ATG13: variants seen among roughly 807,000 people sequenced by gnomAD.
The protein encoded by ATG13 is autophagy-related protein 13.
ATG13 carries 23 observed loss-of-function variants against 65.5 expected under a neutral mutation model. That is an observed-to-expected ratio of 0.35 (90% CI 0.25 to 0.50). ATG13 has a LOEUF of 0.50. Among genes scored for constraint, ATG13 ranks in the 20% least tolerant of loss-of-function variants. ATG13 has a pLI of 0.98. For missense variants in ATG13, 566 were observed against 677.0 expected (o/e 0.84, Z 1.82); for synonymous variants, 252 against 245.2 (o/e 1.03, Z -0.26).
At chr11:46,622,125 AT>A (rs2047897213) in intron 1 of ATG13, among the ~76,000 whole-genome samples, 1 of 79,030 alleles carries the variant, frequency 1.3e-5, no homozygotes, top group Non-Finnish European at 2.4e-5. Context: ...ATATATATAT[AT>A]ATTTATTTTA....
chr11:46,653,998 T>C (rs1392927110), intron 7 of ATG13, among the ~76,000 whole-genome samples: 1 of 152,054 alleles, frequency 6.6e-6, no homozygotes, highest in Non-Finnish European at 1.5e-5. Context: ...TTTTTGCTAA[T>C]ATAGACTGGC....
At chr11:46,664,555 A>G (rs190701863) in intron 12 of ATG13, among the ~76,000 whole-genome samples, 1 of 152,186 alleles carries the variant, frequency 6.6e-6, no homozygotes, top group Non-Finnish European at 1.5e-5. Flanking sequence ...TGGGCTTAGC[A>G]CTGAAACAGT....
At position 46,648,102 on chromosome 11, in the gene ATG13, A is replaced by AC. The variant is rs113498247; in HGVS notation, c.271-1027dup. Among the ~76,000 whole-genome samples, 671 of 137,100 alleles carry AC rather than the reference A, an allele frequency of 4.9e-3. 5 individuals carry two copies. Among genetic ancestry groups the AC allele is most frequent in the African/African-American group, 0.015 (555 of 36,392 alleles). 89.9% of individuals were successfully genotyped at this position (137,100 alleles called of 152,430 possible). A position where few individuals can be genotyped will look rare whatever the true frequency, so the allele number is the denominator to read the frequency against. The stretch of plus-strand genomic sequence containing the variant: ...GACTTTAGCCAAATTACTTAACCCC[A>AC]CCCCCCCCAGCACTTTTTTTTCCTG... On this transcript the variant is annotated intron_variant, in intron 5 of 18. Coordinates refer to ENST00000683050, the MANE Select transcript of ATG13 (RefSeq NM_001346311.2).
intron 7 of ATG13, among the ~76,000 whole-genome samples, chr11:46,651,814 T>C (rs980014644): frequency 2.0e-5 from 3 of 152,200 alleles, no homozygotes; most frequent in Admixed American, 6.5e-5. Context: ...TGGTTTCAAG[T>C]TGTTTTATTT....
In ATG13 at chr11:46,664,724, A is replaced by G. The variant is rs534904002; in HGVS notation, c.889-125A>G. 5.0e-6 allele frequency: 4 copies of G among 798,158 alleles called. No individual in the cohort carries two copies. In the Admixed American group the frequency reaches 6.3e-5, roughly 12 times the overall value. The allele number at this position is 798,158 out of a possible 1,614,324, so 49.4% of individuals were successfully genotyped here. On this transcript the variant is annotated intron_variant, in intron 12 of 18. Coordinates refer to ENST00000683050, the MANE Select transcript of ATG13 (RefSeq NM_001346311.2). ...ACCCCTATCACGTCAGGCCCCCTGC[A>G]CTGTGGGCATGTGGGCGGGAGCCAT... is the stretch of plus-strand genomic sequence containing the variant.
intron 2 of ATG13, among the ~76,000 whole-genome samples, chr11:46,643,612 CT>C (rs763315083): frequency 0.013 from 1,702 of 130,720 alleles, 4 homozygotes; most frequent in Middle Eastern, 0.032. Context: ...CCTGGGAGGG[CT>C]TTTTTTTTTT....
intron 2 of ATG13, among the ~76,000 whole-genome samples, chr11:46,635,819 A>G (rs2136053649): frequency 6.6e-6 from 1 of 152,320 alleles, no homozygotes; most frequent in Middle Eastern, 3.4e-3. Flanking sequence ...CAGTTGTACA[A>G]AAAGTCATTG....
Position 46,638,015 on chromosome 11 carries a change from A to C in ATG13, c.-13-6264A>C, listed in dbSNP as rs563147281. 4.6e-5 allele frequency among the ~76,000 whole-genome samples: 7 copies of C among 152,330 alleles called. No homozygotes were observed. In the South Asian group the frequency reaches 1.2e-3, roughly 27 times the overall value. On this transcript the variant is annotated intron_variant, in intron 2 of 18. Coordinates refer to ENST00000683050, the MANE Select transcript of ATG13 (RefSeq NM_001346311.2). ...CATTTTTAATTTATGATTGATACAT[A>C]ATAATTATACATATTTATGGGGTTC...
chr11:46,632,835 C>T (rs1420713720), intron 2 of ATG13, among the ~76,000 whole-genome samples: 2 of 151,222 alleles, frequency 1.3e-5, no homozygotes, highest in Non-Finnish European at 2.9e-5. Flanking sequence ...ATCCTTATTA[C>T]TTGACACATC....
intron 1 of ATG13, among the ~76,000 whole-genome samples, chr11:46,626,885 TA>T (rs1421519803): frequency 6.6e-6 from 1 of 152,162 alleles, no homozygotes; most frequent in Non-Finnish European, 1.5e-5. Flanking sequence ...GAGGAAGGTG[TA>T]AACATTTGCT....
At chr11:46,662,272 A>T (rs2061371845) in intron 11 of ATG13, among the ~76,000 whole-genome samples, 1 of 152,144 alleles carries the variant, frequency 6.6e-6, no homozygotes, top group Non-Finnish European at 1.5e-5. Context: ...AGATATGTCA[A>T]ATTTAAATTT....
chr11:46,646,045 T>C, intron 5 of ATG13, 56 bp downstream of exon 5: 1 of 1,604,412 alleles, frequency 6.2e-7, no homozygotes, highest in South Asian at 1.1e-5. Context: ...CCTCACACTC[T>C]GAGTCCAGTT....
At chr11:46,645,066 C>A (rs1013449445) in intron 3 of ATG13, among the ~76,000 whole-genome samples, 1 of 152,164 alleles carries the variant, frequency 6.6e-6, no homozygotes, top group Non-Finnish European at 1.5e-5. Flanking sequence ...TTTCCTTCTG[C>A]CATATGAGAA....
At chr11:46,672,178 C>T (rs1442690968) in intron 18 of ATG13, 77 bp from the exon 19 acceptor site, 8 of 1,605,148 alleles carry the variant, frequency 5.0e-6, no homozygotes, top group Non-Finnish European at 6.0e-6. Flanking sequence ...TTGCTGCCTC[C>T]CCTCTTCGGG....
chr11:46,664,800 A>AT lies in ATG13; in HGVS notation c.889-43dup, dbSNP rs748809966. On this transcript the variant is annotated intron_variant, in intron 12 of 18. Transcript: ENST00000683050. ...TGTTTGTCACGCTCTGGGATTGCCT[A>AT]TTTTTTCCTTGCCTTTCCTTTTCTC... is the stretch of plus-strand genomic sequence containing the variant. The AT allele has an allele frequency of 7.7e-6, 12 of 1,548,538 alleles. No individual in the cohort carries two copies. In the East Asian group the frequency reaches 9.0e-5, roughly 12 times the overall value.
intron 1 of ATG13, among the ~76,000 whole-genome samples, chr11:46,623,795 T>C (rs2048527792): frequency 6.6e-6 from 1 of 152,140 alleles, no homozygotes; most frequent in Non-Finnish European, 1.5e-5. Flanking sequence ...GTTGGAAGAA[T>C]ATTACAGTGA....
intron 12 of ATG13, among the ~76,000 whole-genome samples, chr11:46,664,368 T>G (rs564619814): frequency 1.6e-4 from 24 of 152,298 alleles, no homozygotes; most frequent in Non-Finnish European, 3.1e-4. Flanking sequence ...TGGTATTCTG[T>G]CTTTTTTCAA....
chr11:46,646,188 G>A lies in ATG13; in HGVS notation c.270+199G>A, dbSNP rs566991706. Among the ~76,000 whole-genome samples, 74 of 152,020 alleles carry A rather than the reference G, an allele frequency of 4.9e-4. 1 individual carries two copies. The highest frequency in any genetic ancestry group is 1.6e-3 in the African/African-American group (67 of 41,448). On this transcript the variant is annotated intron_variant, in intron 5 of 18. Transcript: ENST00000683050. ...TTTTGAGACTGAGTCTCGATCTGTCGCCCAGGCTGGAGTGCAGTGGAGCGA... is the reference window on the plus strand; with the variant it reads ...TTTTGAGACTGAGTCTCGATCTGTCACCCAGGCTGGAGTGCAGTGGAGCGA...
intron 14 of ATG13, among the ~76,000 whole-genome samples, chr11:46,666,513 T>TA (rs2062394534): frequency 6.6e-6 from 1 of 152,262 alleles, no homozygotes; most frequent in Non-Finnish European, 1.5e-5. Context: ...ACCGAAGTGA[T>TA]ACATTCTGTA....
Sources: allele counts gnomAD v4.1 joint callset (sites outside exome capture counted in the v4.1 genomes callset), GRCh38; gene constraint gnomAD v4.1.1; transcripts MANE v1.5; gene names NCBI Gene and HGNC (gene_info 2026-07-23, HGNC 2026-07-21).